Variants in RIPOR1 observed in about 807,000 individuals in gnomAD.
The protein encoded by RIPOR1 is rho family-interacting cell polarization regulator 1.
A neutral mutation model predicts 116.5 loss-of-function variants in RIPOR1; 58 were observed. The observed-to-expected ratio is 0.50, with a 90% confidence interval of 0.40 to 0.62. The LOEUF (loss-of-function observed/expected upper bound fraction) is 0.62. Ranked by LOEUF, RIPOR1 falls within the 20% of genes least tolerant of loss-of-function variation. The pLI is 0.00. For synonymous variants in RIPOR1, 605 were observed against 650.0 expected, an observed-to-expected ratio of 0.93 and a Z score of 1.05; for missense variants, 1,372 against 1,586.2, an observed-to-expected ratio of 0.86 and a Z score of 2.29.
intron 1 of RIPOR1, among the ~76,000 whole-genome samples, chr16:67,533,768 G>T (rs2050721615): frequency 6.6e-6 from 1 of 151,660 alleles, no homozygotes; most frequent in East Asian, 1.9e-4. Flanking sequence ...GTAAGAAATG[G>T]GGTAGCTGGA....
upstream of RIPOR1, among the ~76,000 whole-genome samples, chr16:67,526,398 C>T (rs2050540286): frequency 6.6e-6 from 1 of 152,112 alleles, no homozygotes; most frequent in African/African-American, 2.4e-5. Flanking sequence ...TCTCCTGGGC[C>T]TTGGAGGCCC....
At position 67,530,156 on chromosome 16, in the gene RIPOR1, C is replaced by T. The variant is rs34213076; in HGVS notation, c.-24+1242C>T. On this transcript the variant is annotated intron_variant, in intron 1 of 21. Transcript: ENST00000042381. The surrounding 1 kb of genome is among the most constrained non-coding windows in gnomAD (Gnocchi z 4.5). Reference sequence around the variant, plus strand: ...GGACTCAGGACTCTGGGCTGGGTCCCGCTTGAGAGAAGCGGGCGGGGAGGG... The same window carrying T: ...GGACTCAGGACTCTGGGCTGGGTCCTGCTTGAGAGAAGCGGGCGGGGAGGG... 0.05 allele frequency: 20,771 copies of T among 418,794 alleles called. 1,119 individuals are homozygous for T. The highest frequency in any genetic ancestry group is 0.17 in the African/African-American group (8,347 of 48,510). The allele number at this position is 418,794 out of a possible 1,614,324, so 25.9% of individuals were successfully genotyped here. A position where few individuals can be genotyped will look rare whatever the true frequency, so the allele number is the denominator to read the frequency against.
At chr16:67,532,058 A>ATTT (rs56900618) in intron 1 of RIPOR1, among the ~76,000 whole-genome samples, 318 of 144,206 alleles carry the variant, frequency 2.2e-3, no homozygotes, top group African/African-American at 7.2e-3. Flanking sequence ...CGCCCAGCTA[A>ATTT]TTTTTTTTTT....
rs944177410 is a variant in RIPOR1 at position 67,531,327 on chromosome 16, C to T, written c.-24+2413C>T. 6.6e-6 allele frequency among the ~76,000 whole-genome samples: 1 copy of T among 151,802 alleles called. No individual in the cohort carries two copies. Among genetic ancestry groups the T allele is most frequent in the Non-Finnish European group, 1.5e-5 (1 of 67,942 alleles). On this transcript the variant is annotated intron_variant, in intron 1 of 21. Coordinates refer to ENST00000042381, the MANE Select transcript of RIPOR1 (RefSeq NM_024519.4). The surrounding 1 kb of genome is among the most constrained non-coding windows in gnomAD (Gnocchi z 4.2). ...AGCCCAGCTTCCCCCACTGTTCCCC[C>T]CCTTCATCTCCCAGGTGCTACAGGA... is the stretch of plus-strand genomic sequence containing the variant.
rs1440801483 is a variant in RIPOR1, at chr16:67,537,486, G to A, written c.-23-938G>A. On this transcript the variant is annotated intron_variant, in intron 1 of 21. Coordinates refer to ENST00000042381, the MANE Select transcript of RIPOR1 (RefSeq NM_024519.4). The surrounding 1 kb of genome is among the most constrained non-coding windows in gnomAD (Gnocchi z 4.6). ...CGAAGCCGAGCCAGAGCCGCTGGGA[G>A]CGAGCCCGGAGCCCAGCCGGGCGGC... The A allele has an allele frequency of 2.4e-6, 3 of 1,258,462 alleles. No homozygotes were observed. The highest frequency in any genetic ancestry group is 3.0e-6 in the Non-Finnish European group (3 of 1,000,644). The allele number at this position is 1,258,462 out of a possible 1,614,324, so 78.0% of individuals were successfully genotyped here.
At chr16:67,535,782 A>G (rs1237490377) in intron 1 of RIPOR1, among the ~76,000 whole-genome samples, 1 of 152,076 alleles carries the variant, frequency 6.6e-6, no homozygotes, top group African/African-American at 2.4e-5. Context: ...GGCAGGTGAT[A>G]AGGCTGGGGA....
Position 67,544,977 on chromosome 16 carries a change from G to A in RIPOR1, c.2891G>A (p.Arg964Gln), listed in dbSNP as rs137895953. The change falls in exon 17 of 22, where the codon CGG (arginine) becomes CAG (glutamine). Residue 964 changes from arginine (R) to glutamine (Q), a missense_variant. Arg to Gln is a conservative substitution (Grantham distance 43). Transcript: ENST00000042381. This position sits in a 1 kb window ranked among gnomAD's most constrained non-coding sequence, Gnocchi z 5.1. ...AQEVVQFSAS[R>Q]PGFLTFWDQC... Reference sequence around the variant, plus strand: ...ACAGTGGTGCAGTTCTCGGCCTCTCGGCCTGGCTTCCTGACCTTCTGGGAC... The same window carrying A: ...ACAGTGGTGCAGTTCTCGGCCTCTCAGCCTGGCTTCCTGACCTTCTGGGAC... 128 of 1,612,754 alleles carry A rather than the reference G, an allele frequency of 7.9e-5. No individual in the cohort carries two copies. The highest frequency in any genetic ancestry group is 3.8e-4 in the Admixed American group (23 of 60,006).
chr16:67,531,922 C>T lies in RIPOR1; in HGVS notation c.-24+3008C>T, dbSNP rs575114625. The stretch of plus-strand genomic sequence containing the variant: ...TGTTTTGTTTTTTGAGACAGAGTCT[C>T]GCTCTGTCGCCCAGGCTGGAGTGTA... On this transcript the variant is annotated intron_variant, in intron 1 of 21. Coordinates refer to ENST00000042381, the MANE Select transcript of RIPOR1 (RefSeq NM_024519.4). This position sits in a 1 kb window ranked among gnomAD's most constrained non-coding sequence, Gnocchi z 4.2. 2.0e-5 allele frequency among the ~76,000 whole-genome samples: 3 copies of T among 152,242 alleles called. No individual in the cohort carries two copies. The highest frequency in any genetic ancestry group is 1.3e-4 in the Admixed American group (2 of 15,290).
chr16:67,538,600 G>A (rs746575229), intron 2 of RIPOR1, 50 bp downstream of exon 2: 2 of 1,606,336 alleles, frequency 1.2e-6, no homozygotes, highest in East Asian at 4.5e-5. Flanking sequence ...AGATGGGGCT[G>A]GGTCTGGGGG....
rs1335652394 is a variant in RIPOR1, at chr16:67,531,692, G to T, written c.-24+2778G>T. On this transcript the variant is annotated intron_variant, in intron 1 of 21. Coordinates refer to ENST00000042381, the MANE Select transcript of RIPOR1 (RefSeq NM_024519.4). The surrounding 1 kb of genome is among the most constrained non-coding windows in gnomAD (Gnocchi z 4.2). ...AGCAGGGGACTGGGAGGAGAGGAGTGGTTGAAAGAATGTGAGGGACAGGAC... is the reference window on the plus strand; with the variant it reads ...AGCAGGGGACTGGGAGGAGAGGAGTTGTTGAAAGAATGTGAGGGACAGGAC... 3 of 441,138 alleles carry T rather than the reference G, an allele frequency of 6.8e-6. No individual in the cohort carries two copies. The highest frequency in any genetic ancestry group is 1.4e-5 in the Non-Finnish European group (3 of 219,504). The allele number at this position is 441,138 out of a possible 1,614,324, so 27.3% of individuals were successfully genotyped here. A position where few individuals can be genotyped will look rare whatever the true frequency, so the allele number is the denominator to read the frequency against.
rs187222691 is a variant in RIPOR1 at position 67,543,505 on chromosome 16, T to A, written c.2600+36T>A. ...TAGGCAAGATGGGTGTGAGGCTAGG[T>A]GAGAGGGAAAAGGTGAGGCAGGACC... On this transcript the variant is annotated intron_variant, in intron 14 of 21. Transcript: ENST00000042381. The surrounding 1 kb of genome is among the most constrained non-coding windows in gnomAD (Gnocchi z 4.7). 2 of 1,543,990 alleles carry A rather than the reference T, an allele frequency of 1.3e-6. No homozygotes were observed.
Position 67,537,659 on chromosome 16 carries a change from T to G in RIPOR1, c.-23-765T>G. On this transcript the variant is annotated intron_variant, in intron 1 of 21. Transcript: ENST00000042381. This position sits in a 1 kb window ranked among gnomAD's most constrained non-coding sequence, Gnocchi z 4.6. ...TGGCCCCAGGGGAAGCAGGCCGGGT[T>G]TGGGGGCCAGGAGTGTGTGTTTCGC... The G allele has an allele frequency of 2.1e-4, 249 of 1,200,840 alleles. No individual in the cohort carries two copies. Among genetic ancestry groups the G allele is most frequent in the Non-Finnish European group, 2.5e-4 (225 of 917,140 alleles). The allele number at this position is 1,200,840 out of a possible 1,614,324, so 74.4% of individuals were successfully genotyped here.
intron 1 of RIPOR1, among the ~76,000 whole-genome samples, chr16:67,533,490 C>T (rs1337418896): frequency 6.6e-6 from 1 of 152,020 alleles, no homozygotes; most frequent in Non-Finnish European, 1.5e-5. Context: ...GATAGAAAAC[C>T]AGCGTATTGT....
chr16:67,524,790 A>G (rs772694752), upstream of RIPOR1, among the ~76,000 whole-genome samples: 1 of 152,040 alleles, frequency 6.6e-6, no homozygotes, highest in Non-Finnish European at 1.5e-5. Context: ...TCTCCTCTCC[A>G]TCCCCACGGC....
intron 1 of RIPOR1, 54 bp from the exon 2 acceptor site, chr16:67,538,370 G>A (rs1411458138): frequency 3.3e-6 from 5 of 1,519,252 alleles, no homozygotes; most frequent in Non-Finnish European, 4.5e-6. Flanking sequence ...CCGCTGCGTG[G>A]GAGAGGGCTT....
intron 3 of RIPOR1, 58 bp downstream of exon 3, chr16:67,538,882 T>C: frequency 6.2e-7 from 1 of 1,610,722 alleles, no homozygotes. Context: ...GCCCGCATCC[T>C]GCTAGCAGGA....
At chr16:67,533,907 A>G (rs1377843800) in intron 1 of RIPOR1, among the ~76,000 whole-genome samples, 1 of 150,556 alleles carries the variant, frequency 6.6e-6, no homozygotes, top group Non-Finnish European at 1.5e-5. Context: ...TCCCGGGTTC[A>G]AGCGATTCTC....
chr16:67,534,527 C>T (rs1214375342), intron 1 of RIPOR1, among the ~76,000 whole-genome samples: 2 of 152,194 alleles, frequency 1.3e-5, no homozygotes, highest in African/African-American at 4.8e-5. Context: ...AGAGAACACA[C>T]TCATATAGAA....
intron 3 of RIPOR1, 49 bp downstream of exon 3, chr16:67,538,873 C>T: frequency 1.2e-6 from 2 of 1,610,702 alleles, no homozygotes; most frequent in Non-Finnish European, 1.7e-6. Context: ...CCTCCCCAAG[C>T]CCGCATCCTG....
Sources: allele counts gnomAD v4.1 joint callset (sites outside exome capture counted in the v4.1 genomes callset), GRCh38; gene constraint gnomAD v4.1.1; non-coding constraint Gnocchi (gnomAD v3.1); transcripts MANE v1.5; gene names NCBI Gene and HGNC (gene_info 2026-07-23, HGNC 2026-07-21).